Variants in DNAJC12 observed in about 807,000 individuals in gnomAD.
DNAJC12 encodes the protein dnaJ homolog subfamily C member 12.
In DNAJC12, 25 loss-of-function variants were observed where a neutral mutation model predicts 28.5. The ratio of observed to expected loss-of-function variants is 0.88; its 90% CI spans 0.64 to 1.22. The LOEUF (loss-of-function observed/expected upper bound fraction) is 1.22. DNAJC12 is among the 50% of genes most tolerant of loss of function. The pLI, the probability that DNAJC12 is intolerant of heterozygous loss-of-function variation, is 0.00. For missense variants in DNAJC12, 222 were observed against 231.7 expected (o/e 0.96, Z 0.27); for synonymous variants, 77 against 80.6 (o/e 0.95, Z 0.24).
At chr10:67,833,585 A>C (rs968160225) in intron 1 of DNAJC12, among the ~76,000 whole-genome samples, 4 of 152,102 alleles carry the variant, frequency 2.6e-5, no homozygotes, top group South Asian at 2.1e-4. Context: ...TTACAAAAAA[A>C]TGTTTGCTGG....
intron 4 of DNAJC12, among the ~76,000 whole-genome samples, chr10:67,804,079 G>C (rs746549842): frequency 1.3e-5 from 2 of 152,186 alleles, no homozygotes; most frequent in Non-Finnish European, 2.9e-5. Context: ...GTTCAGGAAC[G>C]TTCTGCTTAA....
At chr10:67,823,973 C>T (rs1312175924) in intron 1 of DNAJC12, among the ~76,000 whole-genome samples, 1 of 152,092 alleles carries the variant, frequency 6.6e-6, no homozygotes, top group Non-Finnish European at 1.5e-5. Context: ...CGTGGTGGCT[C>T]ACGCCTGTAA....
At chr10:67,808,120 G>A (rs1042052016) in intron 3 of DNAJC12, among the ~76,000 whole-genome samples, 3 of 152,084 alleles carry the variant, frequency 2.0e-5, no homozygotes, top group Non-Finnish European at 4.4e-5. Flanking sequence ...CTCCACAAGG[G>A]TATTAGTTGC....
At position 67,797,188 on chromosome 10, in the gene DNAJC12, C is replaced by T. The variant is rs1046027734; in HGVS notation, c.525G>A (p.Trp175Ter). The change falls in exon 5 of 5, where the codon TGG (tryptophan) becomes TGA (stop). Residue 175 changes from tryptophan (W) to a stop codon, truncating the protein, a stop_gained. Coordinates refer to ENST00000225171, the MANE Select transcript of DNAJC12 (RefSeq NM_021800.3). LOFTEE classifies it high-confidence loss of function. ...DSSGFADVNG[W>*]HLRFRWSKDA... ...CCTTGGACCAGCGGAAACGAAGGTG[C>T]CAACCATTCACATCTGCAAAACCTT... The T allele has an allele frequency of 6.2e-7, 1 of 1,613,386 alleles. No homozygotes were observed. The highest frequency in any genetic ancestry group is 1.3e-5 in the African/African-American group (1 of 74,886).
At chr10:67,801,987 A>G (rs1841751331) in intron 4 of DNAJC12, among the ~76,000 whole-genome samples, 2 of 151,362 alleles carry the variant, frequency 1.3e-5, no homozygotes, top group Admixed American at 6.6e-5. Context: ...TCAGCCTCCC[A>G]AGTAGCTGGA....
chr10:67,821,158 T>C (rs1841977800), intron 2 of DNAJC12, among the ~76,000 whole-genome samples: 1 of 152,168 alleles, frequency 6.6e-6, no homozygotes, highest in African/African-American at 2.4e-5. Context: ...TAGTATGATA[T>C]TATCCTTATA....
intron 1 of DNAJC12, among the ~76,000 whole-genome samples, chr10:67,828,879 T>A (rs112145736): frequency 1.6e-3 from 248 of 152,136 alleles, no homozygotes; most frequent in Middle Eastern, 0.01. Context: ...CAGACAGACA[T>A]CGCCACTTTA....
At chr10:67,837,670 G>A (rs1215284604) in intron 1 of DNAJC12, among the ~76,000 whole-genome samples, 3 of 151,976 alleles carry the variant, frequency 2.0e-5, no homozygotes, top group African/African-American at 7.2e-5. Context: ...ATACTATATT[G>A]TGAAACAGCA....
chr10:67,831,034 A>G (rs1049426038), intron 1 of DNAJC12, among the ~76,000 whole-genome samples: 3 of 152,146 alleles, frequency 2.0e-5, no homozygotes, highest in Non-Finnish European at 4.4e-5. Context: ...TAAAGATACA[A>G]AAAATTAGCC....
intron 4 of DNAJC12, among the ~76,000 whole-genome samples, chr10:67,804,119 C>T (rs1841775397): frequency 1.3e-5 from 2 of 152,160 alleles, no homozygotes. Context: ...TGCTACATCA[C>T]AACCCTGAGA....
chr10:67,809,960 G>A (rs1424930113), intron 3 of DNAJC12, among the ~76,000 whole-genome samples: 1 of 152,110 alleles, frequency 6.6e-6, no homozygotes, highest in Non-Finnish European at 1.5e-5. Context: ...TCATCCATGT[G>A]TCTAAAAACC....
chr10:67,835,717 G>GACACACACACAC (rs34238470), intron 1 of DNAJC12, among the ~76,000 whole-genome samples: 2,161 of 119,016 alleles, frequency 0.018, 54 homozygotes, highest in African/African-American at 0.051. Context: ...GAGAAAAAAT[G>GACACACACACAC]ACACACACAC....
At chr10:67,837,904 T>C in intron 1 of DNAJC12, 30 bp downstream of exon 1, 1 of 1,471,934 alleles carries the variant, frequency 6.8e-7, no homozygotes, top group Non-Finnish European at 9.3e-7. Context: ...AAGAATACTG[T>C]TGTGATAAAA....
intron 1 of DNAJC12, chr10:67,833,821 A>G (rs964186113): frequency 6.0e-6 from 3 of 503,182 alleles, no homozygotes; most frequent in African/African-American, 5.9e-5. Context: ...TTTGCAGGCC[A>G]TTATGTTTTG....
intron 1 of DNAJC12, among the ~76,000 whole-genome samples, chr10:67,833,193 T>A (rs1191980943): frequency 6.6e-6 from 1 of 152,164 alleles, no homozygotes; most frequent in African/African-American, 2.4e-5. Flanking sequence ...GACTTATAAT[T>A]TAGATCAGGG....
chr10:67,806,882 T>G (rs1482722720), intron 3 of DNAJC12, among the ~76,000 whole-genome samples: 1 of 151,828 alleles, frequency 6.6e-6, no homozygotes, highest in Non-Finnish European at 1.5e-5. Context: ...ATAACTGTAG[T>G]TATGCCTGTG....
At chr10:67,815,616 G>A (rs1009358618) in intron 2 of DNAJC12, among the ~76,000 whole-genome samples, 13 of 151,900 alleles carry the variant, frequency 8.6e-5, no homozygotes, top group Admixed American at 4.6e-4. Context: ...TTGGTCCAGC[G>A]AGAGCAAATC....
At chr10:67,814,928 T>G (rs555017359) in intron 2 of DNAJC12, among the ~76,000 whole-genome samples, 3 of 152,332 alleles carry the variant, frequency 2.0e-5, no homozygotes, top group Non-Finnish European at 4.4e-5. Flanking sequence ...ATAGTCACTT[T>G]GAAAAGTAGT....
chr10:67,806,114 A>T (rs978696916), intron 3 of DNAJC12, among the ~76,000 whole-genome samples: 1 of 152,212 alleles, frequency 6.6e-6, no homozygotes, highest in Non-Finnish European at 1.5e-5. Context: ...AGTGAAAAAG[A>T]GCGCTTTTGA....
Sources: gnomAD v4.1 joint callset for allele counts (sites outside exome capture counted in the v4.1 genomes callset) on GRCh38, gnomAD v4.1.1 for gene constraint, MANE v1.5 for transcripts, NCBI Gene and HGNC (gene_info 2026-07-23, HGNC 2026-07-21) for gene names.